Variants in JMJD1C observed in about 807,000 individuals in gnomAD.
The protein encoded by JMJD1C is jumonji domain-containing protein 1C.
A neutral mutation model predicts 245.3 loss-of-function variants in JMJD1C; 31 were observed. That is an observed-to-expected ratio of 0.13 (90% CI 0.09 to 0.17). JMJD1C has a LOEUF of 0.17. Ranked by LOEUF, JMJD1C falls within the 10% of genes least tolerant of loss-of-function variation. The pLI is 1.00. For missense variants in JMJD1C, 2,691 were observed against 3,000.2 expected, an observed-to-expected ratio of 0.90 and a Z score of 2.41; for synonymous variants, 1,057 against 1,017.4, an observed-to-expected ratio of 1.04 and a Z score of -0.74.
rs576078119 is a variant in JMJD1C at position 63,421,524 on chromosome 10, T to C, written c.169-41042A>G. On this transcript the variant is annotated intron_variant, in intron 1 of 25. Coordinates refer to ENST00000399262, the MANE Select transcript of JMJD1C (RefSeq NM_032776.3). ...CTGGGGGATAGTTACACAGGTGCTC[T>C]TCAGAATGATTAGTTGAGTTGTACA... Among the ~76,000 whole-genome samples the C allele has an allele frequency of 2.0e-5, 3 of 152,330 alleles. No individual in the cohort carries two copies. The East Asian group carries it at 5.8e-4, about 29-fold the overall frequency.
Position 63,207,549 on chromosome 10 carries a change from C to G in JMJD1C, c.4120G>C (p.Ala1374Pro). ...VHTKSEKNFQ[A>P]VSQGSVPSSV... ...CTGGGAACACTGCCCTGTGAGACAG[C>G]CTGAAAGTTTTTTTCAGATTTTGTG... The change falls in exon 10 of 26, where the codon GCT becomes CCT. Residue 1374 changes from alanine to proline, a missense_variant. Coordinates refer to ENST00000399262, the MANE Select transcript of JMJD1C (RefSeq NM_032776.3). 4 of 1,614,102 alleles carry G rather than the reference C, an allele frequency of 2.5e-6. No individual in the cohort carries two copies. Among genetic ancestry groups the G allele is most frequent in the Non-Finnish European group, 3.4e-6 (4 of 1,180,004 alleles).
chr10:63,409,779 G>A (rs1293484320), intron 1 of JMJD1C, among the ~76,000 whole-genome samples: 1 of 152,164 alleles, frequency 6.6e-6, no homozygotes, highest in African/African-American at 2.4e-5. Flanking sequence ...GTGATCTGTA[G>A]GGGAAGTCTT....
In JMJD1C at chr10:63,186,343, C is replaced by A. The variant is rs1346420973; in HGVS notation, c.6611G>T (p.Ser2204Ile). Reference protein sequence around the residue: ...VSGVHKKMNISLWKAESISLD... With the variant: ...VSGVHKKMNIILWKAESISLD... ...ACTAATTGATTCCGCCTTCCATAGG[C>A]TAATGTTCATTTTCTTATGCACACC... The change falls in exon 19 of 26, where the codon AGC becomes ATC. Residue 2204 changes from serine (S) to isoleucine (I), a missense_variant. By Grantham distance (142) the Ser-to-Ile change is moderately radical (BLOSUM62 -2). This residue lies in a region of JMJD1C where 232 missense variants were observed against 416.1 expected (regional missense o/e 0.56). Transcript: ENST00000399262. The A allele has an allele frequency of 1.9e-6, 3 of 1,613,308 alleles. No individual in the cohort carries two copies. Among genetic ancestry groups the A allele is most frequent in the Non-Finnish European group, 2.5e-6 (3 of 1,179,732 alleles).
chr10:63,302,670 GT>G (rs1195384534), intron 2 of JMJD1C, among the ~76,000 whole-genome samples: 2 of 152,162 alleles, frequency 1.3e-5, no homozygotes, highest in Non-Finnish European at 2.9e-5. Context: ...TGTTTACCAA[GT>G]TGTGACTGTT....
At chr10:63,459,285 T>C (rs142420351) in intron 1 of JMJD1C, among the ~76,000 whole-genome samples, 2 of 152,328 alleles carry the variant, frequency 1.3e-5, no homozygotes, top group African/African-American at 4.8e-5. Context: ...CTACAGCTAT[T>C]TGAATTTCAG....
chr10:63,488,747 A>G (rs12770873), intron 1 of JMJD1C, among the ~76,000 whole-genome samples: 30,692 of 152,204 alleles, frequency 0.2, 4,063 homozygotes, highest in Non-Finnish European at 0.29. Context: ...ATGTTATAGT[A>G]TGGCATAAAA....
intron 1 of JMJD1C, among the ~76,000 whole-genome samples, chr10:63,382,054 T>C (rs1007876757): frequency 1.3e-5 from 2 of 151,978 alleles, no homozygotes; most frequent in Non-Finnish European, 2.9e-5. Flanking sequence ...CTACCAAAAA[T>C]ACAAAAATTA....
At chr10:63,200,446 CT>C (rs1845892192) in intron 11 of JMJD1C, 29 bp downstream of exon 11, 1 of 1,536,370 alleles carries the variant, frequency 6.5e-7, no homozygotes, top group Admixed American at 1.7e-5. Flanking sequence ...CAATAAATTA[CT>C]TTTTTCCCAA....
chr10:63,449,802 T>C (rs1951930100), intron 1 of JMJD1C, among the ~76,000 whole-genome samples: 1 of 152,102 alleles, frequency 6.6e-6, no homozygotes, highest in Non-Finnish European at 1.5e-5. Context: ...TAAATTAGTC[T>C]ATAAAACTGT....
chr10:63,246,913 CAA>C (rs1564675891), intron 3 of JMJD1C, among the ~76,000 whole-genome samples: 1 of 151,174 alleles, frequency 6.6e-6, no homozygotes, highest in Admixed American at 6.6e-5. Context: ...AAACCAAACA[CAA>C]AATCTACGGG....
intron 22 of JMJD1C, among the ~76,000 whole-genome samples, chr10:63,179,019 T>C (rs935747076): frequency 1.3e-5 from 2 of 152,184 alleles, no homozygotes; most frequent in Non-Finnish European, 2.9e-5. Flanking sequence ...TACTAAATAA[T>C]TTCTCATTAC....
upstream of JMJD1C, among the ~76,000 whole-genome samples, chr10:63,470,744 A>G (rs1025783663): frequency 6.6e-5 from 10 of 152,112 alleles, no homozygotes; most frequent in African/African-American, 2.4e-4. Context: ...GAAGAAAAAA[A>G]GGAAGATAGA....
intron 1 of JMJD1C, among the ~76,000 whole-genome samples, chr10:63,435,384 T>G (rs1392066474): frequency 1.3e-5 from 2 of 152,138 alleles, no homozygotes; most frequent in African/African-American, 4.8e-5. Context: ...AATGACTGAA[T>G]AAATCAAATA....
In JMJD1C at chr10:63,244,808, T is replaced by TA. The variant is rs1350484283; in HGVS notation, c.447+19842dup. On this transcript the variant is annotated intron_variant, in intron 3 of 25. Transcript: ENST00000399262. ...GGTGACAGAGCAACACTCCTTCTCTTAAAAAAAAAGGGGGGGGGAGGGGGG... is the reference window on the plus strand; with the variant it reads ...GGTGACAGAGCAACACTCCTTCTCTTAAAAAAAAAAGGGGGGGGGAGGGGGG... Among the ~76,000 whole-genome samples, 521 of 86,264 alleles carry TA rather than the reference T, an allele frequency of 6.0e-3. 3 individuals carry two copies. The highest frequency in any genetic ancestry group is 0.046 in the South Asian group (107 of 2,338). The allele number at this position is 86,264 out of a possible 152,430, so 56.6% of individuals were successfully genotyped here. A position where few individuals can be genotyped will look rare whatever the true frequency, so the allele number is the denominator to read the frequency against.
chr10:63,443,044 T>C (rs746590423), intron 1 of JMJD1C, among the ~76,000 whole-genome samples: 39 of 152,352 alleles, frequency 2.6e-4, no homozygotes, highest in Non-Finnish European at 5.0e-4. Context: ...AATCCTCTGA[T>C]TGATCAACTG....
rs141821823 is a variant in JMJD1C at position 63,311,353 on chromosome 10, T to A, written c.334-46589A>T. On this transcript the variant is annotated intron_variant, in intron 2 of 25. Coordinates refer to ENST00000399262, the MANE Select transcript of JMJD1C (RefSeq NM_032776.3). ...GAGATGGCGCCATTGCACTCCATCC[T>A]GGGCAACAGAGTGAGACTCTGTCTC... Among the ~76,000 whole-genome samples the A allele has an allele frequency of 5.0e-3, 758 of 152,256 alleles. 6 individuals carry two copies. Among genetic ancestry groups the A allele is most frequent in the African/African-American group, 0.017 (710 of 41,552 alleles).
rs1183890298 is a variant in JMJD1C, at chr10:63,208,293, G to A, written c.3376C>T (p.Leu1126Phe). Residue 1126 changes from leucine to phenylalanine, a missense_variant, in exon 10 of 26, where the codon CTT (leucine) becomes TTT (phenylalanine). Around this residue, in one of 9 missense-constraint regions of JMJD1C, gnomAD observed 1,562 missense variants for 1,490.7 expected, o/e 1.05. Transcript: ENST00000399262. ...NIYGDKQSNA[L>F]AAAAANPQTL... The stretch of plus-strand genomic sequence containing the variant: ...TGAGGATTAGCTGCTGCCGCTGCAA[G>A]GGCATTACTCTGTTTATCACCGTAA... 1 of 1,614,096 alleles carries A rather than the reference G, an allele frequency of 6.2e-7. No individual in the cohort carries two copies. Among genetic ancestry groups the A allele is most frequent in the Non-Finnish European group, 8.5e-7 (1 of 1,180,004 alleles).
intron 2 of JMJD1C, among the ~76,000 whole-genome samples, chr10:63,365,579 T>G (rs1000648207): frequency 6.6e-6 from 1 of 152,106 alleles, no homozygotes; most frequent in Non-Finnish European, 1.5e-5. Context: ...GATTCAATAA[T>G]TGGCAAGGTA....
intron 16 of JMJD1C, among the ~76,000 whole-genome samples, chr10:63,191,484 G>T (rs559680013): frequency 5.3e-5 from 8 of 152,240 alleles, no homozygotes; most frequent in African/African-American, 1.9e-4. Context: ...AGACAAAACT[G>T]GCCCCAGCAT....
Sources: allele counts gnomAD v4.1 joint callset (sites outside exome capture counted in the v4.1 genomes callset), GRCh38; gene constraint gnomAD v4.1.1; regional missense constraint gnomAD v4.1.1; transcripts MANE v1.5; gene names NCBI Gene and HGNC (gene_info 2026-07-23, HGNC 2026-07-21).